The following GSTA2 variants were observed in gnomAD, a reference collection of about 807,000 sequenced individuals.
The protein encoded by GSTA2 is glutathione S-transferase alpha 2, also known as glutathione S-transferase A2.
In GSTA2, 27 loss-of-function variants were observed where a neutral mutation model predicts 22.4. The observed-to-expected ratio is 1.21, with a 90% CI of 0.89 to 1.67. The LOEUF (loss-of-function observed/expected upper bound fraction) is 1.67. GSTA2 is among the 40% of genes most tolerant of loss of function. The pLI is 0.00. For missense variants in GSTA2, 302 were observed against 260.2 expected (o/e 1.16, Z -1.11); for synonymous variants, 121 against 86.8 (o/e 1.39, Z -2.19).
intron 6 of GSTA2, 83 bp from the exon 7 acceptor site, chr6:52,750,782 C>T (rs1310711381): frequency 1.3e-6 from 2 of 1,549,966 alleles, no homozygotes; most frequent in Admixed American, 1.9e-5. Flanking sequence ...GAATCTGAGT[C>T]CCTCCTGCCA....
At chr6:52,756,758 G>A (rs144970825) in intron 2 of GSTA2, among the ~76,000 whole-genome samples, 2,725 of 152,320 alleles carry the variant, frequency 0.018, 88 homozygotes, top group African/African-American at 0.061. Context: ...GCTGTAATTT[G>A]TATCGCCCCA....
chr6:52,756,797 T>C (rs1236543902), intron 2 of GSTA2, among the ~76,000 whole-genome samples: 11 of 152,268 alleles, frequency 7.2e-5, no homozygotes, highest in Admixed American at 5.2e-4. Flanking sequence ...AAGGGTGACA[T>C]AGGTCGCCAC....
intron 5 of GSTA2, 83 bp downstream of exon 5, chr6:52,752,771 T>C: frequency 6.5e-7 from 1 of 1,546,440 alleles, no homozygotes; most frequent in South Asian, 1.1e-5. Context: ...AAAGTGAAGA[T>C]CAGTGCCCCA....
At position 52,759,563 on chromosome 6, in the gene GSTA2, G is replaced by GTTTTTTTTTGTTTTT. The variant is rs1762913408; in HGVS notation, c.-30-1587_-30-1586insAAAAACAAAAAAAAA. Among the ~76,000 whole-genome samples, 7 of 34,164 alleles carry GTTTTTTTTTGTTTTT rather than the reference G, an allele frequency of 2.0e-4. 3 individuals are homozygous for GTTTTTTTTTGTTTTT. The highest frequency in any genetic ancestry group is 6.1e-4 in the African/African-American group (7 of 11,536). 22.4% of individuals were successfully genotyped at this position (34,164 alleles called of 152,430 possible). A position where few individuals can be genotyped will look rare whatever the true frequency, so the allele number is the denominator to read the frequency against. On this transcript the variant is annotated intron_variant, in intron 1 of 6. Transcript: ENST00000493422. ...CCTTTAACAACTAATGTATTTATTTGTTTTTTTTTTTTTTTTTTTTTTTTT... is the reference window on the plus strand; with the variant it reads ...CCTTTAACAACTAATGTATTTATTTGTTTTTTTTTGTTTTTTTTTTTTTTTTTTTTTTTTTTTTTT...
chr6:52,755,164 T>C, intron 3 of GSTA2, 89 bp from the exon 4 acceptor site: 1 of 1,549,708 alleles, frequency 6.5e-7, no homozygotes, highest in South Asian at 1.2e-5. Flanking sequence ...AATGACTAAA[T>C]TTGTAAAACG....
At chr6:52,757,831 T>C (rs368366053) in intron 2 of GSTA2, 30 bp downstream of exon 2, 19 of 1,574,950 alleles carry the variant, frequency 1.2e-5, no homozygotes, top group African/African-American at 6.8e-5. Flanking sequence ...ATCGTAAATC[T>C]GACTTAAGAT....
At chr6:52,754,782 C>T (rs754643328) in intron 4 of GSTA2, among the ~76,000 whole-genome samples, 161 bp downstream of exon 4, 25 of 152,126 alleles carry the variant, frequency 1.6e-4, no homozygotes, top group African/African-American at 4.8e-5. Context: ...GTTCACTGTT[C>T]CCTCATCTCC....
Position 52,756,263 on chromosome 6 carries a change from C to G in GSTA2, c.134G>C (p.Arg45Thr). Residue 45 changes from arginine to threonine, a missense_variant, in exon 3 of 7, where the codon AGA (arginine) becomes ACA (threonine). Physicochemically the swap from Arg to Thr is moderately conservative, Grantham distance 71 (BLOSUM62 -1). Transcript: ENST00000493422. Reference sequence around the variant, plus strand: ...AACTTAGAGGTTGATCTTACCATTTCTTAACTTGTCCAAATCTTCTGCAGA... The same window carrying G: ...AACTTAGAGGTTGATCTTACCATTTGTTAACTTGTCCAAATCTTCTGCAGA... The part of the protein sequence containing the change: ...IKSAEDLDKL[R>T]NDGYLMFQQV... The G allele has an allele frequency of 6.2e-7, 1 of 1,603,176 alleles. No homozygotes were observed. Among genetic ancestry groups the G allele is most frequent in the Non-Finnish European group, 8.5e-7 (1 of 1,170,478 alleles).
intron 1 of GSTA2, among the ~76,000 whole-genome samples, chr6:52,758,395 T>C (rs1762887885): frequency 6.6e-6 from 1 of 152,200 alleles, no homozygotes; most frequent in South Asian, 2.1e-4. Flanking sequence ...ATCTCCATTT[T>C]TTCGTTAATG....
chr6:52,753,161 C>T (rs575354432), intron 4 of GSTA2, among the ~76,000 whole-genome samples, 166 bp from the exon 5 acceptor site: 1 of 152,170 alleles, frequency 6.6e-6, no homozygotes, highest in South Asian at 2.1e-4. Flanking sequence ...GGTATATAGT[C>T]ATTATGCTCT....
At position 52,757,958 on chromosome 6, in the gene GSTA2, T is replaced by A. The variant is rs748413219; in HGVS notation, c.-11A>T. On this transcript the variant is annotated 5_prime_UTR_variant, in exon 2 of 7. Transcript: ENST00000493422. ...GGGCTTCTCTGCCATGGTAGCAGTC[T>A]CCTGGAGGTTTCTCTAAGCCTGAGT... 20 of 1,598,602 alleles carry A rather than the reference T, an allele frequency of 1.3e-5. No individual in the cohort carries two copies. Among genetic ancestry groups the A allele is most frequent in the Non-Finnish European group, 1.7e-5 (20 of 1,166,510 alleles).
At position 52,751,717 on chromosome 6, in the gene GSTA2, T is replaced by C; in HGVS notation, c.415-9A>G. 4 of 1,614,112 alleles carry C rather than the reference T, an allele frequency of 2.5e-6. No individual in the cohort carries two copies. The highest frequency in any genetic ancestry group is 3.4e-6 in the Non-Finnish European group (4 of 1,179,970). On this transcript the variant is annotated splice_polypyrimidine_tract_variant and intron_variant, in intron 5 of 6. Transcript: ENST00000493422. ...CCGTGGCTCTTTAAGACCTGGAGAA[T>C]GGGAGGAATCAGATCAGGAACACAT... is the stretch of plus-strand genomic sequence containing the variant.
intron 1 of GSTA2, among the ~76,000 whole-genome samples, chr6:52,759,676 C>T (rs1348197786): frequency 7.5e-6 from 1 of 132,738 alleles, no homozygotes; most frequent in Non-Finnish European, 1.5e-5. Context: ...CCTCAGCTTC[C>T]CAGGTTCAAG....
At chr6:52,759,580 T>TTTTG (rs1762916469) in intron 1 of GSTA2, among the ~76,000 whole-genome samples, 1 of 121,058 alleles carries the variant, frequency 8.3e-6, no homozygotes, top group Non-Finnish European at 1.7e-5. Context: ...TTTTTTTTTT[T>TTTTG]TTTTTTTTTT....
intron 5 of GSTA2, among the ~76,000 whole-genome samples, chr6:52,752,580 C>T (rs975373576): frequency 2.6e-5 from 4 of 152,216 alleles, no homozygotes; most frequent in African/African-American, 9.6e-5. Flanking sequence ...CCACAGCCCA[C>T]ATTCTACTTA....
intron 1 of GSTA2, among the ~76,000 whole-genome samples, chr6:52,762,037 T>A (rs1762959963): frequency 6.6e-6 from 1 of 152,064 alleles, no homozygotes; most frequent in South Asian, 2.1e-4. Context: ...GAGGATGTGC[T>A]TTGTAAACAA....
intron 6 of GSTA2, among the ~76,000 whole-genome samples, 156 bp downstream of exon 6, chr6:52,751,421 T>A (rs1762733275): frequency 6.6e-6 from 1 of 152,124 alleles, no homozygotes; most frequent in Non-Finnish European, 1.5e-5. Flanking sequence ...TTTTCATTCC[T>A]CAAAATTGGA....
At position 52,750,438 on chromosome 6, in the gene GSTA2, G is replaced by C; in HGVS notation, c.*139C>G. On this transcript the variant is annotated 3_prime_UTR_variant, in exon 7 of 7. Transcript: ENST00000493422. ...TTAACTAAGTGGGTGAATAGGAGTT[G>C]TATTATTTAATTAGCATATAATTTG... The C allele has an allele frequency of 1.3e-6, 1 of 743,982 alleles. No homozygotes were observed. The highest frequency in any genetic ancestry group is 2.0e-5 in the South Asian group (1 of 48,842). 46.1% of individuals were successfully genotyped at this position (743,982 alleles called of 1,614,324 possible).
At chr6:52,761,262 G>A (rs1039242496) in intron 1 of GSTA2, among the ~76,000 whole-genome samples, 2 of 152,116 alleles carry the variant, frequency 1.3e-5, no homozygotes, top group Non-Finnish European at 2.9e-5. Flanking sequence ...AGTAGCCCAT[G>A]GATCTTCTTT....
Sources: gnomAD v4.1 joint callset for allele counts (sites outside exome capture counted in the v4.1 genomes callset) on GRCh38, gnomAD v4.1.1 for gene constraint, MANE v1.5 for transcripts, NCBI Gene and HGNC (gene_info 2026-07-23, HGNC 2026-07-21) for gene names.